The following NIM1K variants were observed in gnomAD, a reference collection of about 807,000 sequenced individuals.
The protein encoded by NIM1K is serine/threonine-protein kinase NIM1.
NIM1K carries 35 observed loss-of-function variants against 37.1 expected under a neutral mutation model. That is an observed-to-expected ratio of 0.94 (90% CI 0.72 to 1.25). The LOEUF (loss-of-function observed/expected upper bound fraction) is 1.25, where lower values mean the gene tolerates loss of function less well. NIM1K is among the 50% of genes most tolerant of loss of function. NIM1K has a pLI of 0.00. For synonymous variants in NIM1K, 234 were observed against 206.6 expected, an observed-to-expected ratio of 1.13 and a Z score of -1.14; for missense variants, 564 against 548.0, an observed-to-expected ratio of 1.03 and a Z score of -0.29.
intron 2 of NIM1K, among the ~76,000 whole-genome samples, chr5:43,258,899 C>T (rs1223383873): frequency 3.9e-5 from 6 of 151,988 alleles, no homozygotes; most frequent in South Asian, 2.1e-4. Context: ...GTACCCAATA[C>T]GTAGTTTTTA....
intron 1 of NIM1K, chr5:43,207,232 C>T (rs1752131387): frequency 2.6e-6 from 2 of 755,320 alleles, no homozygotes; most frequent in South Asian, 1.4e-5. Flanking sequence ...CCTGGGACAT[C>T]ATGGGAAGTG....
intron 1 of NIM1K, among the ~76,000 whole-genome samples, chr5:43,198,195 CTTTCTTTCTTTCTCTTTCTTTCTT>C (rs1310634738): frequency 0.029 from 1,517 of 52,944 alleles, 9 homozygotes; most frequent in Middle Eastern, 0.053. Flanking sequence ...TTCTTTCTTT[CTTTCTTTCTTTCTCTTTCTTTCTT>C]TCTTTCTTTC....
chr5:43,257,858 A>C (rs548263325), intron 2 of NIM1K, among the ~76,000 whole-genome samples: 12 of 151,974 alleles, frequency 7.9e-5, no homozygotes, highest in Non-Finnish European at 1.8e-4. Context: ...CTAGGAGTTC[A>C]AATCTAGCTT....
In NIM1K at chr5:43,277,262, G is replaced by A. The variant is rs769507280; in HGVS notation, c.498G>A (p.Gly166=). The change falls in exon 3 of 4, where the codon GGG becomes GGA. Residue 166 remains glycine (G), a synonymous_variant. Coordinates refer to ENST00000326035, the MANE Select transcript of NIM1K (RefSeq NM_153361.4). ...TCTTCGGAAAAATTAGCACTGAGGGGAAGCTCTCTGAACCAGAAAGCAAGC... is the reference window on the plus strand; with the variant it reads ...TCTTCGGAAAAATTAGCACTGAGGGAAAGCTCTCTGAACCAGAAAGCAAGC... ...GELFGKISTE[G]KLSEPESKLI... The A allele has an allele frequency of 1.1e-5, 17 of 1,613,960 alleles. No homozygotes were observed. Among genetic ancestry groups the A allele is most frequent in the South Asian group, 3.3e-5 (3 of 91,066 alleles).
At chr5:43,242,423 G>T (rs1752716548) in intron 1 of NIM1K, among the ~76,000 whole-genome samples, 1 of 151,708 alleles carries the variant, frequency 6.6e-6, no homozygotes, top group South Asian at 2.1e-4. Context: ...CCTGGTGCCT[G>T]TGGGGAGCTG....
intron 1 of NIM1K, among the ~76,000 whole-genome samples, chr5:43,205,163 C>T (rs575463452): frequency 6.6e-6 from 1 of 152,334 alleles, no homozygotes; most frequent in Admixed American, 6.5e-5. Context: ...TTCCACTGCA[C>T]ACCAGAGGGA....
intron 2 of NIM1K, among the ~76,000 whole-genome samples, chr5:43,272,702 G>A (rs777522228): frequency 2.0e-5 from 3 of 152,038 alleles, no homozygotes; most frequent in Non-Finnish European, 4.4e-5. Flanking sequence ...GACGTATTTT[G>A]CTTGGTCTAA....
rs947414132 is a variant in NIM1K at position 43,235,248 on chromosome 5, C to G, written c.-694-9834C>G. On this transcript the variant is annotated intron_variant, in intron 1 of 3. Transcript: ENST00000326035. ...ACAAATCTAAATTAATTATCCAATT[C>G]TTCATTTTAAATTAGAGTCACAAAA... Among the ~76,000 whole-genome samples the G allele has an allele frequency of 4.6e-5, 7 of 152,280 alleles. No homozygotes were observed. The South Asian group carries it at 6.2e-4, about 14-fold the overall frequency.
rs576424639 is a variant in NIM1K, at chr5:43,204,604, C to T, written c.-695+12193C>T. On this transcript the variant is annotated intron_variant, in intron 1 of 3. Coordinates refer to ENST00000326035, the MANE Select transcript of NIM1K (RefSeq NM_153361.4). Reference sequence around the variant, plus strand: ...CCTGTAACCCCAGTGACTTGGGAGGCGGAGGAACAAGAATCAGTTGAACCC... The same window carrying T: ...CCTGTAACCCCAGTGACTTGGGAGGTGGAGGAACAAGAATCAGTTGAACCC... Among the ~76,000 whole-genome samples the T allele has an allele frequency of 4.1e-3, 621 of 151,084 alleles. 2 individuals carry two copies. The highest frequency in any genetic ancestry group is 0.034 in the Middle Eastern group (10 of 292).
At chr5:43,212,679 A>C (rs1474144635) in intron 1 of NIM1K, among the ~76,000 whole-genome samples, 1 of 152,164 alleles carries the variant, frequency 6.6e-6, no homozygotes, top group Non-Finnish European at 1.5e-5. Context: ...CAAAAGCAGA[A>C]GATGCAGCCT....
At position 43,207,475 on chromosome 5, in the gene NIM1K, C is replaced by T. The variant is rs1752134526; in HGVS notation, c.-695+15064C>T. 5.3e-6 allele frequency: 4 copies of T among 750,038 alleles called. No individual in the cohort carries two copies. In the South Asian group the frequency reaches 5.4e-5, roughly 10 times the overall value. 46.5% of individuals were successfully genotyped at this position (750,038 alleles called of 1,614,324 possible). ...ACTGTATTCCGGTACTGAAGAGGTA[C>T]ACCAAAGAAGGGAGATAATTTTATT... On this transcript the variant is annotated intron_variant, in intron 1 of 3. Coordinates refer to ENST00000326035, the MANE Select transcript of NIM1K (RefSeq NM_153361.4).
At chr5:43,199,204 A>AAAAAAAAAAAATATATATATATAT (rs1200134957) in intron 1 of NIM1K, among the ~76,000 whole-genome samples, 1 of 94,072 alleles carries the variant, frequency 1.1e-5, no homozygotes, top group Non-Finnish European at 2.0e-5. Context: ...AAAAAAAAAA[A>AAAAAAAAAAAATATATATATATAT]ATATATATAT....
intron 2 of NIM1K, among the ~76,000 whole-genome samples, chr5:43,270,075 G>A (rs1443402219): frequency 6.6e-6 from 1 of 152,156 alleles, no homozygotes; most frequent in Non-Finnish European, 1.5e-5. Context: ...TCATTTGCTT[G>A]TCTGGAAAAG....
intron 1 of NIM1K, chr5:43,232,134 A>T: frequency 9.8e-7 from 1 of 1,021,158 alleles, no homozygotes; most frequent in Non-Finnish European, 1.5e-6. Flanking sequence ...GGGGGCACCA[A>T]ACCACAAATT....
intron 2 of NIM1K, among the ~76,000 whole-genome samples, chr5:43,269,176 T>TG (rs70994681): frequency 1 from 150,829 of 151,530 alleles, 75,072 homozygotes; most frequent in East Asian, 1. Flanking sequence ...CCAGGCATGG[T>TG]GGGGGCACCT....
At chr5:43,260,419 G>A (rs1753009710) in intron 2 of NIM1K, among the ~76,000 whole-genome samples, 1 of 152,020 alleles carries the variant, frequency 6.6e-6, no homozygotes, top group Admixed American at 6.6e-5. Context: ...CTAGTTTGTT[G>A]TCATTGTTTT....
chr5:43,262,450 C>G (rs577434823), intron 2 of NIM1K, among the ~76,000 whole-genome samples: 1 of 152,134 alleles, frequency 6.6e-6, no homozygotes, highest in Non-Finnish European at 1.5e-5. Flanking sequence ...TTTTTGCACA[C>G]TGATTTTGTA....
chr5:43,262,911 G>C (rs1389776548), intron 2 of NIM1K, among the ~76,000 whole-genome samples: 1 of 152,012 alleles, frequency 6.6e-6, no homozygotes, highest in Non-Finnish European at 1.5e-5. Flanking sequence ...GATGGATTAC[G>C]TTTATTGATT....
chr5:43,252,699 G>C (rs1752882970), intron 2 of NIM1K, among the ~76,000 whole-genome samples: 1 of 152,122 alleles, frequency 6.6e-6, no homozygotes, highest in African/African-American at 2.4e-5. Context: ...ATTCCCTTGG[G>C]CTCTCCAAGC....
Sources: gnomAD v4.1 joint callset for allele counts (sites outside exome capture counted in the v4.1 genomes callset) on GRCh38, gnomAD v4.1.1 for gene constraint, MANE v1.5 for transcripts, NCBI Gene and HGNC (gene_info 2026-07-23, HGNC 2026-07-21) for gene names.